KRT83: variants seen among roughly 807,000 people sequenced by gnomAD.
KRT83 encodes the protein keratin 83.
A neutral mutation model predicts 52.9 loss-of-function variants in KRT83; 51 were observed. The ratio of observed to expected loss-of-function variants is 0.96; its 90% confidence interval spans 0.77 to 1.22. KRT83 has a LOEUF of 1.22. KRT83 is among the 50% of genes most tolerant of loss of function. The pLI, the probability that KRT83 is intolerant of heterozygous loss-of-function variation, is 0.00. For missense variants in KRT83, 654 were observed against 666.5 expected, an observed-to-expected ratio of 0.98 and a Z score of 0.21; for synonymous variants, 278 against 274.1, an observed-to-expected ratio of 1.01 and a Z score of -0.14.
intron 1 of KRT83, among the ~76,000 whole-genome samples, chr12:52,320,322 G>T (rs1433049610): frequency 6.6e-6 from 1 of 152,248 alleles, no homozygotes; most frequent in East Asian, 1.9e-4. Context: ...TGGTTGCCTG[G>T]ATTCAGTGGA....
intron 2 of KRT83, among the ~76,000 whole-genome samples, chr12:52,318,398 T>A (rs1475304509): frequency 6.6e-6 from 1 of 151,996 alleles, no homozygotes; most frequent in African/African-American, 2.4e-5. Flanking sequence ...GCTGAGTGTG[T>A]GAATGTGTGT....
At chr12:52,315,805 G>A (rs570281054) in intron 7 of KRT83, 88 bp downstream of exon 7, 2 of 1,564,946 alleles carry the variant, frequency 1.3e-6, no homozygotes, top group Admixed American at 3.4e-5. Context: ...AGGCAAGAAT[G>A]TCACCTGGGG....
At chr12:52,316,791 T>C in intron 5 of KRT83, 68 bp downstream of exon 5, 2 of 1,612,604 alleles carry the variant, frequency 1.2e-6, no homozygotes, top group Non-Finnish European at 1.7e-6. Context: ...CAAAGAAGCC[T>C]TTTCTACTAG....
At position 52,317,957 on chromosome 12, in the gene KRT83, C is replaced by A; in HGVS notation, c.607G>T (p.Val203Leu). 1 of 1,604,570 alleles carries A rather than the reference C, an allele frequency of 6.2e-7. No individual in the cohort carries two copies. The highest frequency in any genetic ancestry group is 1.5e-5 in the African/African-American group (1 of 67,438). Reference sequence around the variant, plus strand: ...TTCTCTGCTGTGGCTCGAAGTGCTACTTCTTCTTCATACCTGAGGTGAGCA... The same window carrying A: ...TTCTCTGCTGTGGCTCGAAGTGCTAATTCTTCTTCATACCTGAGGTGAGCA... The part of the protein sequence containing the change: ...EGYKKKYEEE[V>L]ALRATAENEF... Residue 203 changes from valine to leucine, a missense_variant, in exon 3 of 9, where the codon GTA (valine) becomes TTA (leucine). Physicochemically the swap from Val to Leu is conservative, Grantham distance 32. Coordinates refer to ENST00000293670, the MANE Select transcript of KRT83 (RefSeq NM_002282.3).
chr12:52,319,383 G>C lies in KRT83; in HGVS notation c.385-19C>G, dbSNP rs758367305. ...AGCGCACCTGCCACCCAGAGGCAGA[G>C]CCTAAGAACCTCTTCTTGCAGCATC... On this transcript the variant is annotated intron_variant, in intron 1 of 8. Coordinates refer to ENST00000293670, the MANE Select transcript of KRT83 (RefSeq NM_002282.3). 6.2e-7 allele frequency: 1 copy of C among 1,613,420 alleles called. No individual in the cohort carries two copies. Among genetic ancestry groups the C allele is most frequent in the South Asian group, 1.1e-5 (1 of 91,042 alleles).
chr12:52,321,168 G>A lies in KRT83; in HGVS notation c.168C>T (p.Cys56=), dbSNP rs774437079. The A allele has an allele frequency of 2.9e-5, 46 of 1,612,588 alleles. 1 individual carries two copies. In the South Asian group the frequency reaches 4.9e-4, roughly 17 times the overall value. Residue 56 remains cysteine, a synonymous_variant, in exon 1 of 9, where the codon TGC becomes TGT. Transcript: ENST00000293670. ...LTGGFGSHSV[C]GGFRAGSCGR... ...CGCAGGAGCCGGCGCGGAAGCCCCC[G>A]CACACGCTGTGGCTGCCAAAGCCCC... is the stretch of plus-strand genomic sequence containing the variant.
intron 4 of KRT83, 125 bp downstream of exon 4, chr12:52,317,556 C>T: frequency 8.7e-7 from 1 of 1,154,290 alleles, no homozygotes; most frequent in Admixed American, 1.7e-5. Context: ...TGCTCCCTGC[C>T]AACCCTCCAG....
chr12:52,315,391 G>A (rs773405486), intron 7 of KRT83, 48 bp from the exon 8 acceptor site: 1 of 1,591,060 alleles, frequency 6.3e-7, no homozygotes, highest in Non-Finnish European at 8.6e-7. Flanking sequence ...AAGTCAGAAT[G>A]AGGTCATCGA....
rs538915469 is a variant in KRT83 at position 52,317,117 on chromosome 12, C to A, written c.751-94G>T. On this transcript the variant is annotated intron_variant, in intron 4 of 8. Transcript: ENST00000293670. ...ATCCTTTTGGCTCATCGGGAGTGAA[C>A]TTCTCATGTTTAGAGAAACAAACCT... The A allele has an allele frequency of 1.3e-5, 20 of 1,511,790 alleles. 2 individuals carry two copies. The South Asian group carries it at 2.2e-4, about 16-fold the overall frequency. The allele number at this position is 1,511,790 out of a possible 1,614,324, so 93.6% of individuals were successfully genotyped here. A position where few individuals can be genotyped will look rare whatever the true frequency, so the allele number is the denominator to read the frequency against.
chr12:52,317,790 A>G lies in KRT83; in HGVS notation c.655-14T>C, dbSNP rs751813981. 1.2e-6 allele frequency: 2 copies of G among 1,613,792 alleles called. No individual in the cohort carries two copies. Among genetic ancestry groups the G allele is most frequent in the Admixed American group, 3.3e-5 (2 of 60,012 alleles). On this transcript the variant is annotated splice_polypyrimidine_tract_variant and intron_variant, in intron 3 of 8. Transcript: ENST00000293670. ...GCAGTCCACATCCTGGGTGGGGTAG[A>G]AGGGGCTGTGAGGCCGGCTTTCCTC...
At position 52,321,194 on chromosome 12, in the gene KRT83, C is replaced by G. The variant is rs746592309; in HGVS notation, c.142G>C (p.Gly48Arg). Residue 48 changes from glycine to arginine, a missense_variant, in exon 1 of 9, where the codon GGG becomes CGG. Coordinates refer to ENST00000293670, the MANE Select transcript of KRT83 (RefSeq NM_002282.3). ...CACACGCTGTGGCTGCCAAAGCCCC[C>G]GGTGAGGCCGCGGTAGCAGGAGATG... ...RGISCYRGLT[G>R]GFGSHSVCGG... 5 of 1,613,026 alleles carry G rather than the reference C, an allele frequency of 3.1e-6. No individual in the cohort carries two copies. The highest frequency in any genetic ancestry group is 1.7e-4 in the Middle Eastern group (1 of 6,042).
Position 52,314,481 on chromosome 12 carries a change from T to C in KRT83, c.*150A>G. The C allele has an allele frequency of 1.3e-6, 1 of 751,362 alleles. No homozygotes were observed. Among genetic ancestry groups the C allele is most frequent in the Non-Finnish European group, 2.3e-6 (1 of 431,888 alleles). The allele number at this position is 751,362 out of a possible 1,614,324, so 46.5% of individuals were successfully genotyped here. ...GGCCCCTTTCCAGTGGGATGAAAGG[T>C]GGGGAGGAGCCGCTGGTGGGAATGA... On this transcript the variant is annotated 3_prime_UTR_variant, in exon 9 of 9. Coordinates refer to ENST00000293670, the MANE Select transcript of KRT83 (RefSeq NM_002282.3).
At chr12:52,320,376 G>A (rs1938751238) in intron 1 of KRT83, among the ~76,000 whole-genome samples, 1 of 152,180 alleles carries the variant, frequency 6.6e-6, no homozygotes, top group South Asian at 2.1e-4. Context: ...TACACAGATG[G>A]TTTCAACCAA....
At chr12:52,316,151 G>A (rs1410713547) in intron 6 of KRT83, 38 bp from the exon 7 acceptor site, 1 of 1,609,982 alleles carries the variant, frequency 6.2e-7, no homozygotes, top group African/African-American at 1.3e-5. Context: ...ATAAAGTGAA[G>A]TTTAGTTTCT....
chr12:52,316,857 AC>A lies in KRT83; in HGVS notation c.915+1del, dbSNP rs1592446792. 4.3e-6 allele frequency: 7 copies of A among 1,614,002 alleles called. No homozygotes were observed. In the East Asian group the frequency reaches 1.6e-4, roughly 36 times the overall value. ...AGCAGGCAGGTGTCCTGTGCCGCTCACCTTGCTGCGATACCAGGACTCGGCC... is the reference window on the plus strand; with the variant it reads ...AGCAGGCAGGTGTCCTGTGCCGCTCACTTGCTGCGATACCAGGACTCGGCC... On this transcript the variant is annotated splice_donor_variant, in intron 5 of 8. Transcript: ENST00000293670. LOFTEE classifies it high-confidence loss of function.
intron 3 of KRT83, 66 bp from the exon 4 acceptor site, chr12:52,317,842 T>C (rs1938711115): frequency 2.5e-6 from 4 of 1,610,432 alleles, no homozygotes; most frequent in Non-Finnish European, 3.4e-6. Context: ...CTGGCTGCCA[T>C]GTGGCAGGAC....
At position 52,314,350 on chromosome 12, in the gene KRT83, AG is replaced by A; in HGVS notation, c.*280del. The A allele has an allele frequency of 1.9e-6, 1 of 529,394 alleles. No homozygotes were observed. 32.8% of individuals were successfully genotyped at this position (529,394 alleles called of 1,614,324 possible). Reference sequence around the variant, plus strand: ...AGGGGAGACAAGAGGCCAGAGAGGCAGGGGGAACAGTCTCACAGTGCTTCTT... The same window carrying A: ...AGGGGAGACAAGAGGCCAGAGAGGCAGGGGAACAGTCTCACAGTGCTTCTT... On this transcript the variant is annotated 3_prime_UTR_variant, in exon 9 of 9. Transcript: ENST00000293670.
At chr12:52,316,730 T>C in intron 5 of KRT83, 129 bp downstream of exon 5, 1 of 1,592,728 alleles carries the variant, frequency 6.3e-7, no homozygotes, top group East Asian at 2.2e-5. Flanking sequence ...CACCCCAACA[T>C]GAGAGCTATT....
chr12:52,319,485 G>A lies in KRT83; in HGVS notation c.385-121C>T, dbSNP rs1023232598. On this transcript the variant is annotated intron_variant, in intron 1 of 8. Coordinates refer to ENST00000293670, the MANE Select transcript of KRT83 (RefSeq NM_002282.3). The stretch of plus-strand genomic sequence containing the variant: ...TGACCCAGAGTCTTCCCTGGAAGGC[G>A]TTATGTCATCTCTCTCAAAAATGCC... 88 of 1,392,610 alleles carry A rather than the reference G, an allele frequency of 6.3e-5. No homozygotes were observed. In the Admixed American group the frequency reaches 1.1e-3, roughly 18 times the overall value. The allele number at this position is 1,392,610 out of a possible 1,614,324, so 86.3% of individuals were successfully genotyped here.
Sources: allele counts gnomAD v4.1 joint callset (sites outside exome capture counted in the v4.1 genomes callset), GRCh38; gene constraint gnomAD v4.1.1; transcripts MANE v1.5; gene names NCBI Gene and HGNC (gene_info 2026-07-23, HGNC 2026-07-21).